VWF: variants seen among roughly 807,000 people sequenced by gnomAD.
VWF encodes Factor VIII related antigen.
A neutral mutation model predicts 308.6 loss-of-function variants in VWF; 176 were observed. That is an observed-to-expected ratio of 0.57 (90% CI 0.50 to 0.65). The LOEUF is 0.65. Ranked by LOEUF, VWF falls within the 30% of genes least tolerant of loss-of-function variation. The pLI is 0.00. For synonymous variants in VWF, 1,385 were observed against 1,443.4 expected (o/e 0.96, Z 0.92); for missense variants, 3,146 against 3,648.2 (o/e 0.86, Z 3.55).
At chr12:5,994,308 T>C (rs1943782286) in intron 36 of VWF, 105 bp from the exon 37 acceptor site, 2 of 1,592,252 alleles carry the variant, frequency 1.3e-6, no homozygotes, top group African/African-American at 2.7e-5. Flanking sequence ...AATCTGACCC[T>C]CGCTACTAGA....
intron 18 of VWF, among the ~76,000 whole-genome samples, chr12:6,040,892 T>C (rs1388823834): frequency 6.6e-6 from 1 of 152,178 alleles, no homozygotes; most frequent in Non-Finnish European, 1.5e-5. Flanking sequence ...CAGGTGCTTC[T>C]GGGCATACGG....
chr12:6,048,905 G>A (rs1482210931), intron 16 of VWF, among the ~76,000 whole-genome samples: 1 of 152,202 alleles, frequency 6.6e-6, no homozygotes, highest in Non-Finnish European at 1.5e-5. Context: ...CTAGTTTTAA[G>A]GGAGAAAATT....
chr12:5,999,397 C>A (rs753613091), intron 34 of VWF, among the ~76,000 whole-genome samples: 1 of 151,346 alleles, frequency 6.6e-6, no homozygotes, highest in South Asian at 2.1e-4. Flanking sequence ...ATAAAGCAAA[C>A]GGGAAAGTCA....
At chr12:5,980,019 C>T (rs1384331224) in intron 42 of VWF, among the ~76,000 whole-genome samples, 6 of 135,922 alleles carry the variant, frequency 4.4e-5, no homozygotes, top group East Asian at 4.2e-4. Flanking sequence ...CCAGCCTGGG[C>T]GACAGAGCGA....
intron 40 of VWF, 61 bp from the exon 41 acceptor site, chr12:5,983,315 G>A: frequency 6.6e-7 from 1 of 1,514,480 alleles, no homozygotes; most frequent in Non-Finnish European, 9.0e-7. Flanking sequence ...TTTATTACCT[G>A]TGAGTGGGAT....
intron 19 of VWF, 110 bp downstream of exon 19, chr12:6,036,278 C>G: frequency 1.1e-6 from 1 of 882,754 alleles, no homozygotes; most frequent in Non-Finnish European, 1.9e-6. Context: ...AGAGAGTAAC[C>G]AGGTTCCCAC....
intron 47 of VWF, among the ~76,000 whole-genome samples, chr12:5,962,878 A>G (rs1943336379): frequency 6.6e-6 from 1 of 152,340 alleles, no homozygotes; most frequent in African/African-American, 2.4e-5. Context: ...AGGCACCGAC[A>G]TAATTTAATG....
At chr12:5,949,309 C>T (rs535169620) in intron 51 of VWF, 106 bp from the exon 52 acceptor site, 7 of 1,190,998 alleles carry the variant, frequency 5.9e-6, no homozygotes, top group Non-Finnish European at 8.5e-6. Context: ...CCAAGCAAGG[C>T]AGGTCTGATC....
Position 6,057,031 on chromosome 12 carries a change from TG to T in VWF, c.1770del (p.Thr591HisfsTer60). 1.3e-6 allele frequency: 2 copies of T among 1,548,820 alleles called. No individual in the cohort carries two copies. Among genetic ancestry groups the T allele is most frequent in the Non-Finnish European group, 8.7e-7 (1 of 1,152,896 alleles). ...SEEACAVLTSPTFEACHRAVS... is the reference protein window; with the variant it reads ...SEEACAVLTSXTFEACHRAVS... ...ACGGCACGATGGCAGGCCTCGAATG[TG>T]GGGGACGTCAGGACCGCGCACGCCT... On this transcript the variant is annotated frameshift_variant, in exon 15 of 52. Coordinates refer to ENST00000261405, the MANE Select transcript of VWF (RefSeq NM_000552.5). LOFTEE classifies it high-confidence loss of function.
At chr12:5,986,863 T>G (rs966750801) in intron 38 of VWF, among the ~76,000 whole-genome samples, 1 of 152,126 alleles carries the variant, frequency 6.6e-6, no homozygotes, top group African/African-American at 2.4e-5. Flanking sequence ...AGCGACAGAG[T>G]GAGGATTTGA....
At chr12:6,104,397 A>G (rs180921541) in intron 5 of VWF, among the ~76,000 whole-genome samples, 133 of 152,108 alleles carry the variant, frequency 8.7e-4, no homozygotes, top group African/African-American at 2.9e-3. Flanking sequence ...AAAAAAAAAA[A>G]AATAGGACTG....
At chr12:6,074,058 A>G (rs1187172107) in intron 7 of VWF, among the ~76,000 whole-genome samples, 1 of 152,076 alleles carries the variant, frequency 6.6e-6, no homozygotes. Context: ...ACCCTTTCAG[A>G]GTGACACCAA....
rs190762634 is a variant in VWF, at chr12:6,046,001, T to C, written c.2281+722A>G. 1.5e-4 allele frequency among the ~76,000 whole-genome samples: 23 copies of C among 152,292 alleles called. No individual in the cohort carries two copies. The highest frequency in any genetic ancestry group is 1.4e-3 in the Admixed American group (21 of 15,298). On this transcript the variant is annotated intron_variant, in intron 17 of 51. Coordinates refer to ENST00000261405, the MANE Select transcript of VWF (RefSeq NM_000552.5). This position sits in a 1 kb window ranked among gnomAD's most constrained non-coding sequence, Gnocchi z 5.0. ...ACTTTGGGAGGCCGAGGCAGGCAGA[T>C]CACTTGAGGTCAGGAGTTCAAGACC...
chr12:6,034,017 C>A (rs185180499), intron 20 of VWF, among the ~76,000 whole-genome samples: 1 of 152,230 alleles, frequency 6.6e-6, no homozygotes. Flanking sequence ...CAAGAATCCA[C>A]GCAGTGGGGA....
rs1420252436 is a variant in VWF, at chr12:6,020,657, T to C, written c.3675-914A>G. ...AGTGACCGTGTGGTGGAGACCAATATGGGCCAGGACCATCTCCTCTTTGGA... is the reference window on the plus strand; with the variant it reads ...AGTGACCGTGTGGTGGAGACCAATACGGGCCAGGACCATCTCCTCTTTGGA... On this transcript the variant is annotated intron_variant, in intron 27 of 51. Coordinates refer to ENST00000261405, the MANE Select transcript of VWF (RefSeq NM_000552.5). The surrounding 1 kb of genome is among the most constrained non-coding windows in gnomAD (Gnocchi z 4.3). 6.6e-6 allele frequency among the ~76,000 whole-genome samples: 1 copy of C among 152,254 alleles called. No individual in the cohort carries two copies. The highest frequency in any genetic ancestry group is 1.9e-4 in the East Asian group (1 of 5,196).
At position 5,985,079 on chromosome 12, in the gene VWF, C is replaced by A; in HGVS notation, c.6942G>T (p.Gln2314His). Reference sequence around the variant, plus strand: ...ACTCGGGGCAGCACTGGTCTGCATTCTGGCGGAGGCGGGCTACTTCACACA... The same window carrying A: ...ACTCGGGGCAGCACTGGTCTGCATTATGGCGGAGGCGGGCTACTTCACACA... ...CGLCEVARLR[Q>H]NADQCCPEYE... Residue 2314 changes from glutamine to histidine, a missense_variant, in exon 40 of 52, where the codon CAG (glutamine) becomes CAT (histidine). Gln to His is a conservative substitution (Grantham distance 24, BLOSUM62 0). This residue lies in a region of VWF where 989 missense variants were observed against 1,117.4 expected (regional missense o/e 0.89). Transcript: ENST00000261405. 6.2e-7 allele frequency: 1 copy of A among 1,614,204 alleles called. No homozygotes were observed. The highest frequency in any genetic ancestry group is 1.1e-5 in the South Asian group (1 of 91,084).
chr12:6,041,531 C>T (rs1409764916), intron 18 of VWF, among the ~76,000 whole-genome samples: 2 of 151,940 alleles, frequency 1.3e-5, no homozygotes, highest in Non-Finnish European at 2.9e-5. Flanking sequence ...TCACTGCAAC[C>T]TCCGCCTCCT....
In VWF at chr12:6,081,207, C is replaced by CTA. The variant is rs1423442834; in HGVS notation, c.658-5657_658-5656insTA. ...TCTCATCACCCATGCCACAAATGGG[C>CTA]CCTTCAGAGGCCTGAAGACACCTCC... On this transcript the variant is annotated intron_variant, in intron 6 of 51. Transcript: ENST00000261405. Among the ~76,000 whole-genome samples the CTA allele has an allele frequency of 2.6e-5, 4 of 152,338 alleles. No individual in the cohort carries two copies. The East Asian group carries it at 5.8e-4, about 22-fold the overall frequency.
At chr12:5,984,922 C>T (rs896141558) in intron 40 of VWF, 123 bp downstream of exon 40, 3 of 1,072,364 alleles carry the variant, frequency 2.8e-6, no homozygotes, top group East Asian at 2.4e-5. Flanking sequence ...TCCAGTCGGT[C>T]CTTACCCACC....
Sources: allele counts gnomAD v4.1 joint callset (sites outside exome capture counted in the v4.1 genomes callset), GRCh38; gene constraint gnomAD v4.1.1; regional missense constraint gnomAD v4.1.1; non-coding constraint Gnocchi (gnomAD v3.1); transcripts MANE v1.5; gene names NCBI Gene and HGNC (gene_info 2026-07-23, HGNC 2026-07-21).